ODAD2: variants seen among roughly 807,000 people sequenced by gnomAD.
ODAD2 encodes the protein outer dynein arm docking complex subunit 2.
Under a neutral mutation model 106.8 loss-of-function variants are expected in ODAD2, and 89 were observed. The observed-to-expected ratio is 0.83, with a 90% CI of 0.70 to 0.99. The LOEUF is 0.99. Among genes scored for constraint, ODAD2 ranks in the 50% least tolerant of loss-of-function variants. The probability of loss-of-function intolerance (pLI) is 0.00; values close to 1 mark genes in which losing one functional copy is unlikely to be tolerated. For missense variants in ODAD2, 1,168 were observed against 1,238.5 expected (o/e 0.94, Z 0.85); for synonymous variants, 404 against 436.2 (o/e 0.93, Z 0.92).
In ODAD2 at chr10:27,842,779, C is replaced by T. The variant is rs1838406361; in HGVS notation, c.3021+17846G>A. Among the ~76,000 whole-genome samples, 4 of 152,216 alleles carry T rather than the reference C, an allele frequency of 2.6e-5. No homozygotes were observed. The South Asian group carries it at 8.3e-4, about 32-fold the overall frequency. ...TTTATCCAGGTTTTATATCTGAACC[C>T]TCATCTGGCATGAAATCAATGGAGT... On this transcript the variant is annotated intron_variant, in intron 19 of 19. Coordinates refer to ENST00000305242, the MANE Select transcript of ODAD2 (RefSeq NM_018076.5).
chr10:27,965,013 T>A (rs1189163823), intron 9 of ODAD2, among the ~76,000 whole-genome samples: 1 of 152,176 alleles, frequency 6.6e-6, no homozygotes, highest in Non-Finnish European at 1.5e-5. Context: ...AGCAGCTTGA[T>A]GGACAGGAGG....
chr10:27,982,890 C>CA (rs971823627), intron 6 of ODAD2, among the ~76,000 whole-genome samples: 1 of 152,168 alleles, frequency 6.6e-6, no homozygotes, highest in Non-Finnish European at 1.5e-5. Context: ...TCACTCAGCT[C>CA]AAAGCCCAGC....
chr10:27,814,674 C>T (rs1490142141), intron 19 of ODAD2, among the ~76,000 whole-genome samples: 1 of 152,232 alleles, frequency 6.6e-6, no homozygotes, highest in Non-Finnish European at 1.5e-5. Flanking sequence ...ACATACTTTT[C>T]CTTTAACCAT....
intron 19 of ODAD2, among the ~76,000 whole-genome samples, chr10:27,840,194 C>A (rs780341777): frequency 1.4e-4 from 22 of 151,980 alleles, no homozygotes; most frequent in Non-Finnish European, 2.8e-4. Flanking sequence ...ACATTTTTTT[C>A]TATTTTTATT....
At chr10:27,894,997 G>T (rs763861323) in intron 17 of ODAD2, among the ~76,000 whole-genome samples, 16 of 140,746 alleles carry the variant, frequency 1.1e-4, no homozygotes, top group Non-Finnish European at 1.5e-4. Context: ...CATATGGAAA[G>T]ACATACAGAG....
intron 19 of ODAD2, among the ~76,000 whole-genome samples, chr10:27,850,302 G>A (rs1185773434): frequency 2.6e-5 from 4 of 151,918 alleles, no homozygotes; most frequent in Admixed American, 6.6e-5. Context: ...AAAATTAGAC[G>A]GCCGTGGTGG....
At chr10:27,994,215 A>C (rs371848440) in intron 2 of ODAD2, among the ~76,000 whole-genome samples, 54 of 152,018 alleles carry the variant, frequency 3.6e-4, no homozygotes, top group African/African-American at 1.2e-3. Flanking sequence ...CTCTAATCTG[A>C]GGACACCAGT....
At chr10:27,983,795 ACAAT>A (rs1246017316) in intron 6 of ODAD2, 44 bp downstream of exon 6, 6 of 1,570,148 alleles carry the variant, frequency 3.8e-6, no homozygotes, top group Non-Finnish European at 4.4e-6. Context: ...TCTACAGCTA[ACAAT>A]CAAAGTCCAC....
intron 17 of ODAD2, among the ~76,000 whole-genome samples, chr10:27,866,313 T>C (rs1227106480): frequency 6.6e-6 from 1 of 152,154 alleles, no homozygotes. Context: ...AGAAGCAGGA[T>C]TTGATTCCAG....
intron 19 of ODAD2, among the ~76,000 whole-genome samples, chr10:27,856,016 TGCC>T (rs1292237689): frequency 2.6e-5 from 4 of 152,166 alleles, no homozygotes; most frequent in African/African-American, 7.2e-5. Context: ...GGAAAGGGCT[TGCC>T]TTGATGAATT....
At chr10:27,863,685 G>A (rs1444622452) in intron 17 of ODAD2, among the ~76,000 whole-genome samples, 5 of 152,170 alleles carry the variant, frequency 3.3e-5, no homozygotes, top group African/African-American at 1.2e-4. Context: ...ATACAATGAG[G>A]AAACCTCAAC....
At chr10:27,939,509 G>A (rs946555804) in intron 14 of ODAD2, among the ~76,000 whole-genome samples, 2 of 152,068 alleles carry the variant, frequency 1.3e-5, no homozygotes, top group East Asian at 3.9e-4. Context: ...TGAAGCCAGG[G>A]GTTTGAGACC....
chr10:27,885,837 ATTTG>A (rs1290618432), intron 17 of ODAD2, among the ~76,000 whole-genome samples: 2 of 100,098 alleles, frequency 2.0e-5, no homozygotes, highest in Admixed American at 1.7e-4. Flanking sequence ...AAATATATAT[ATTTG>A]TTTGGATATA....
chr10:27,966,356 G>A (rs545092476), intron 9 of ODAD2, among the ~76,000 whole-genome samples: 6 of 152,274 alleles, frequency 3.9e-5, no homozygotes, highest in African/African-American at 1.4e-4. Context: ...TTTGAGGAAA[G>A]CCTAAATTCA....
chr10:27,886,322 T>C (rs918626104), intron 17 of ODAD2, among the ~76,000 whole-genome samples: 25 of 150,988 alleles, frequency 1.7e-4, no homozygotes, highest in African/African-American at 5.3e-4. Context: ...TACATATCAG[T>C]AGATTTCTCC....
At chr10:27,948,966 C>A (rs942238981) in intron 10 of ODAD2, among the ~76,000 whole-genome samples, 1 of 151,648 alleles carries the variant, frequency 6.6e-6, no homozygotes, top group Non-Finnish European at 1.5e-5. Flanking sequence ...AAAGACAAGA[C>A]GAATTAAAGA....
chr10:27,892,866 C>T (rs757483308), intron 17 of ODAD2, among the ~76,000 whole-genome samples: 113 of 152,240 alleles, frequency 7.4e-4, no homozygotes, highest in Non-Finnish European at 9.3e-4. Context: ...AGATGTACTA[C>T]GGCCGGGTGT....
intron 17 of ODAD2, among the ~76,000 whole-genome samples, chr10:27,884,716 T>A (rs1841957867): frequency 6.6e-6 from 1 of 151,974 alleles, no homozygotes; most frequent in South Asian, 2.1e-4. Flanking sequence ...GGGCAAGAGA[T>A]TACAGGCACA....
intron 16 of ODAD2, among the ~76,000 whole-genome samples, chr10:27,930,302 TG>T (rs1845521596): frequency 1.3e-5 from 2 of 152,252 alleles, no homozygotes; most frequent in Admixed American, 6.5e-5. Flanking sequence ...CTAAGCACTT[TG>T]GAAGTTTGAG....
Sources: allele counts gnomAD v4.1 joint callset (sites outside exome capture counted in the v4.1 genomes callset), GRCh38; gene constraint gnomAD v4.1.1; transcripts MANE v1.5; gene names NCBI Gene and HGNC (gene_info 2026-07-23, HGNC 2026-07-21).